The following INTS9 variants were observed in gnomAD, a reference collection of about 807,000 sequenced individuals.
The protein encoded by INTS9 is protein related to CPSF subunits of 74 kDa.
In INTS9, 55 loss-of-function variants were observed where a neutral mutation model predicts 79.7. The observed-to-expected ratio is 0.69, with a 90% CI of 0.56 to 0.86. INTS9 has a LOEUF of 0.86. INTS9 is among the 40% of genes least tolerant of loss of function. INTS9 has a pLI of 0.00. For missense variants in INTS9, 721 were observed against 831.5 expected, an observed-to-expected ratio of 0.87 and a Z score of 1.64; for synonymous variants, 319 against 325.2, an observed-to-expected ratio of 0.98 and a Z score of 0.20.
At chr8:28,883,073 C>T (rs975801271) in intron 1 of INTS9, among the ~76,000 whole-genome samples, 4 of 152,186 alleles carry the variant, frequency 2.6e-5, no homozygotes, top group Admixed American at 1.3e-4. Context: ...CTTTCTTAGC[C>T]CTGCCTGATG....
chr8:28,884,168 C>CTTTTTTTTTT (rs35799882), intron 1 of INTS9, among the ~76,000 whole-genome samples: 4 of 46,976 alleles, frequency 8.5e-5, no homozygotes, highest in Non-Finnish European at 1.1e-4. Flanking sequence ...ATCAGTGTAT[C>CTTTTTTTTTT]TTTTTTTTTT....
chr8:28,859,281 AG>A (rs2131291442), intron 2 of INTS9, among the ~76,000 whole-genome samples, 154 bp downstream of exon 2: 1 of 152,368 alleles, frequency 6.6e-6, no homozygotes, highest in African/African-American at 2.4e-5. Flanking sequence ...ACTTTCCATC[AG>A]CTCAGCCAAA....
chr8:28,837,868 T>A, intron 4 of INTS9, 92 bp from the exon 5 acceptor site: 1 of 1,259,980 alleles, frequency 7.9e-7, no homozygotes, highest in Non-Finnish European at 1.1e-6. Context: ...TGCAGAGAAG[T>A]AGTTTTTGTA....
chr8:28,875,156 C>T (rs1809310541), intron 1 of INTS9, among the ~76,000 whole-genome samples: 1 of 152,186 alleles, frequency 6.6e-6, no homozygotes, highest in Non-Finnish European at 1.5e-5. Context: ...ATTATGGGAG[C>T]TACAAGATGA....
chr8:28,863,336 A>C (rs1336262657), intron 1 of INTS9, among the ~76,000 whole-genome samples: 1 of 152,208 alleles, frequency 6.6e-6, no homozygotes, highest in East Asian at 1.9e-4. Context: ...AAAAAGCTAC[A>C]AGTTTTTCTG....
At chr8:28,859,610 T>G in intron 1 of INTS9, 47 bp from the exon 2 acceptor site, 1 of 1,591,998 alleles carries the variant, frequency 6.3e-7, no homozygotes, top group Non-Finnish European at 8.6e-7. Flanking sequence ...TACAGAAGAA[T>G]CCTACAAAGT....
At chr8:28,872,143 C>T (rs893974724) in intron 1 of INTS9, among the ~76,000 whole-genome samples, 1 of 152,102 alleles carries the variant, frequency 6.6e-6, no homozygotes, top group African/African-American at 2.4e-5. Context: ...CTAAAGCAGT[C>T]CTGAAAAGCA....
chr8:28,783,670 G>T (rs241192), intron 11 of INTS9: 1 of 152,086 alleles, frequency 6.6e-6, no homozygotes. Context: ...CACTAACACT[G>T]TCCTGGAGAT....
chr8:28,780,721 T>C (rs1334811502), intron 12 of INTS9, 102 bp downstream of exon 12: 5 of 1,524,142 alleles, frequency 3.3e-6, no homozygotes, highest in Non-Finnish European at 4.4e-6. Context: ...TTTGTATTTA[T>C]GTCTCACTGC....
chr8:28,782,531 GCACACATGCACACATACACGCACA>G (rs1349252335), intron 11 of INTS9, among the ~76,000 whole-genome samples: 2 of 152,182 alleles, frequency 1.3e-5, no homozygotes, highest in Non-Finnish European at 2.9e-5. Context: ...GGACATGTGT[GCACACATGCACACATACACGCACA>G]CACACATGCA....
At chr8:28,821,368 C>T (rs868230756) in intron 6 of INTS9, among the ~76,000 whole-genome samples, 1 of 152,218 alleles carries the variant, frequency 6.6e-6, no homozygotes. Flanking sequence ...ATAAACCCAT[C>T]AGATCTTGTG....
chr8:28,877,066 T>A (rs1038702472), intron 1 of INTS9, among the ~76,000 whole-genome samples: 2 of 152,094 alleles, frequency 1.3e-5, no homozygotes, highest in Admixed American at 6.5e-5. Flanking sequence ...CAAAAAGGAT[T>A]TTACTGTGAA....
At chr8:28,859,730 T>A in intron 1 of INTS9, 167 bp from the exon 2 acceptor site, 2 of 759,654 alleles carry the variant, frequency 2.6e-6, no homozygotes, top group Non-Finnish European at 2.2e-6. Flanking sequence ...CTACTTTCCC[T>A]AGCCGTTCAA....
chr8:28,792,795 C>A (rs1830715412), intron 10 of INTS9, among the ~76,000 whole-genome samples: 1 of 151,952 alleles, frequency 6.6e-6, no homozygotes, highest in Non-Finnish European at 1.5e-5. Context: ...TGCCTGTAAT[C>A]CCAGCTTCTT....
intron 1 of INTS9, among the ~76,000 whole-genome samples, chr8:28,874,586 C>CCCGG (rs1474720577): frequency 6.6e-6 from 1 of 152,172 alleles, no homozygotes; most frequent in Non-Finnish European, 1.5e-5. Context: ...AGCCACTGCA[C>CCCGG]CCGGCCACTT....
chr8:28,888,474 C>T (rs971120429), intron 1 of INTS9, among the ~76,000 whole-genome samples: 4 of 152,034 alleles, frequency 2.6e-5, no homozygotes, highest in Non-Finnish European at 5.9e-5. Flanking sequence ...CGCTTGAGTC[C>T]GAAAGGTGGA....
At chr8:28,835,895 G>A (rs559723130) in intron 5 of INTS9, among the ~76,000 whole-genome samples, 72 of 151,730 alleles carry the variant, frequency 4.7e-4, no homozygotes, top group African/African-American at 1.5e-3. Flanking sequence ...TACAATCTCC[G>A]CCTCCCGGGT....
intron 2 of INTS9, among the ~76,000 whole-genome samples, chr8:28,853,337 TG>T (rs750163509): frequency 6.0e-5 from 9 of 149,894 alleles, no homozygotes; most frequent in Non-Finnish European, 1.3e-4. Context: ...CACTTGAACC[TG>T]GGAGGCAAGG....
intron 1 of INTS9, among the ~76,000 whole-genome samples, chr8:28,870,689 A>T (rs1809042192): frequency 6.6e-6 from 1 of 152,216 alleles, no homozygotes; most frequent in Admixed American, 6.5e-5. Context: ...AATCAATCAT[A>T]AAGCATAGAG....
Sources: allele counts gnomAD v4.1 joint callset (sites outside exome capture counted in the v4.1 genomes callset), GRCh38; gene constraint gnomAD v4.1.1; transcripts MANE v1.5; gene names NCBI Gene and HGNC (gene_info 2026-07-23, HGNC 2026-07-21).